DTL: variants seen among roughly 807,000 people sequenced by gnomAD.
DTL encodes the protein denticleless protein homolog.
Under a neutral mutation model 87.0 loss-of-function variants are expected in DTL, and 46 were observed. The observed-to-expected ratio is 0.53, with a 90% CI of 0.42 to 0.68. DTL has a LOEUF of 0.68. Among genes scored for constraint, DTL ranks in the 30% least tolerant of loss-of-function variants. The pLI, the probability that DTL is intolerant of heterozygous loss-of-function variation, is 0.00. For missense variants in DTL, 737 were observed against 869.4 expected (o/e 0.85, Z 1.91); for synonymous variants, 308 against 311.2 (o/e 0.99, Z 0.11).
intron 5 of DTL, among the ~76,000 whole-genome samples, chr1:212,061,525 C>T (rs1654308694): frequency 6.6e-6 from 1 of 151,462 alleles, no homozygotes; most frequent in African/African-American, 2.4e-5. Flanking sequence ...ATAGAATTAC[C>T]ATTGATCTAG....
At chr1:212,037,685 T>C (rs1364691735) in intron 1 of DTL, among the ~76,000 whole-genome samples, 1 of 152,178 alleles carries the variant, frequency 6.6e-6, no homozygotes, top group Non-Finnish European at 1.5e-5. Context: ...TACATATATT[T>C]GAGAAAGATT....
chr1:212,098,570 G>A (rs1226074686), intron 13 of DTL, among the ~76,000 whole-genome samples: 1 of 152,048 alleles, frequency 6.6e-6, no homozygotes, highest in African/African-American at 2.4e-5. Flanking sequence ...GACTCCTTGG[G>A]CAGGGCTTGC....
chr1:212,082,997 G>A (rs563709597), intron 13 of DTL, among the ~76,000 whole-genome samples: 1 of 152,316 alleles, frequency 6.6e-6, no homozygotes, highest in East Asian at 1.9e-4. Flanking sequence ...GAAGTTGACA[G>A]TGGATGCAAA....
chr1:212,052,133 A>G (rs1668003499), intron 5 of DTL: 2 of 661,000 alleles, frequency 3.0e-6, no homozygotes, highest in East Asian at 5.4e-5. Flanking sequence ...TTCATTGAGA[A>G]CTCTGTGGTT....
At chr1:212,097,625 C>T (rs543933061) in intron 13 of DTL, among the ~76,000 whole-genome samples, 3 of 151,954 alleles carry the variant, frequency 2.0e-5, no homozygotes, top group South Asian at 2.1e-4. Flanking sequence ...CGTCTACATC[C>T]TGTTTTGTTT....
chr1:212,072,011 T>A, intron 10 of DTL, 90 bp from the exon 11 acceptor site: 1 of 902,108 alleles, frequency 1.1e-6, no homozygotes, highest in Non-Finnish European at 1.8e-6. Context: ...AATACAGTGA[T>A]AAAACTTGTT....
At chr1:212,050,545 A>C (rs1247349617) in intron 5 of DTL, among the ~76,000 whole-genome samples, 1 of 152,220 alleles carries the variant, frequency 6.6e-6, no homozygotes, top group Non-Finnish European at 1.5e-5. Context: ...TAATTAAATG[A>C]GAATCTCTTG....
intron 7 of DTL, among the ~76,000 whole-genome samples, chr1:212,065,634 C>A (rs1044201523): frequency 2.0e-5 from 3 of 152,128 alleles, no homozygotes; most frequent in African/African-American, 4.8e-5. Flanking sequence ...TTTGAAGAAG[C>A]ATATTAAGTA....
At chr1:212,059,779 C>CAAAAAAAAAAAAAAAAAAAAAA (rs58890148) in intron 5 of DTL, among the ~76,000 whole-genome samples, 1 of 80,224 alleles carries the variant, frequency 1.2e-5, no homozygotes, top group African/African-American at 4.8e-5. Context: ...AAAGACTCTA[C>CAAAAAAAAAAAAAAAAAAAAAA]AAAAAAAAAA....
intron 5 of DTL, chr1:212,051,921 G>A (rs1667998490): frequency 1.0e-6 from 1 of 989,130 alleles, no homozygotes; most frequent in Non-Finnish European, 1.6e-6. Context: ...TCGCATATAT[G>A]TGGCCAAAGG....
chr1:212,067,813 ATTAT>A (rs1654552229), intron 8 of DTL, among the ~76,000 whole-genome samples: 1 of 152,210 alleles, frequency 6.6e-6, no homozygotes, highest in Non-Finnish European at 1.5e-5. Flanking sequence ...ATTTGTTTAG[ATTAT>A]TTAAAGAGTT....
At chr1:212,062,991 C>G in intron 6 of DTL, 42 bp downstream of exon 6, 1 of 1,464,778 alleles carries the variant, frequency 6.8e-7, no homozygotes. Flanking sequence ...TTGGGATTAC[C>G]CTGTACTTAA....
intron 13 of DTL, among the ~76,000 whole-genome samples, chr1:212,092,836 T>A (rs1160096334): frequency 2.6e-5 from 4 of 152,194 alleles, no homozygotes; most frequent in African/African-American, 9.7e-5. Flanking sequence ...CTTTACAGAA[T>A]CTCTGTACTG....
chr1:212,052,678 A>G (rs1668027453), intron 5 of DTL, among the ~76,000 whole-genome samples: 1 of 149,966 alleles, frequency 6.7e-6, no homozygotes, highest in Non-Finnish European at 1.5e-5. Context: ...TTTTCTGCCT[A>G]ATTTATTCAT....
At chr1:212,094,606 CTT>C (rs1655389275) in intron 13 of DTL, among the ~76,000 whole-genome samples, 1 of 152,066 alleles carries the variant, frequency 6.6e-6, no homozygotes, top group Non-Finnish European at 1.5e-5. Context: ...TTCCATATGA[CTT>C]TTCAGATTGT....
At chr1:212,040,142 T>C (rs1667592036) in intron 1 of DTL, among the ~76,000 whole-genome samples, 1 of 152,270 alleles carries the variant, frequency 6.6e-6, no homozygotes, top group African/African-American at 2.4e-5. Context: ...AAATATTTTA[T>C]TTCTTCATAT....
chr1:212,092,522 C>T (rs1222401530), intron 13 of DTL, among the ~76,000 whole-genome samples: 9 of 150,958 alleles, frequency 6.0e-5, no homozygotes, highest in Non-Finnish European at 1.0e-4. Context: ...GGTGACAGAG[C>T]GAGACTCCGT....
At position 212,069,201 on chromosome 1, in the gene DTL, TAAAAC is replaced by T. The variant is rs544269464; in HGVS notation, c.922+499_922+503del. Among the ~76,000 whole-genome samples, 10 of 152,044 alleles carry T rather than the reference TAAAAC, an allele frequency of 6.6e-5. No individual in the cohort carries two copies. The East Asian group carries it at 1.7e-3, about 26-fold the overall frequency. On this transcript the variant is annotated intron_variant, in intron 10 of 14. Transcript: ENST00000366991. ...AACTTTAAAAATAGAATCTGATACT[TAAAAC>T]TAATAAATAAATGATAGTTTTAAAA... is the stretch of plus-strand genomic sequence containing the variant.
intron 5 of DTL, among the ~76,000 whole-genome samples, chr1:212,059,779 C>CAAAAAAAAAAAAAAAAAAAAAAAA (rs58890148): frequency 2.5e-5 from 2 of 80,224 alleles, no homozygotes; most frequent in Non-Finnish European, 4.9e-5. Flanking sequence ...AAAGACTCTA[C>CAAAAAAAAAAAAAAAAAAAAAAAA]AAAAAAAAAA....
Sources: gnomAD v4.1 joint callset for allele counts (sites outside exome capture counted in the v4.1 genomes callset) on GRCh38, gnomAD v4.1.1 for gene constraint, MANE v1.5 for transcripts, NCBI Gene and HGNC (gene_info 2026-07-23, HGNC 2026-07-21) for gene names.